PCDHA2: variants seen among roughly 807,000 people sequenced by gnomAD.
PCDHA2 encodes the protein protocadherin alpha-2.
PCDHA2 carries 58 observed loss-of-function variants against 66.0 expected under a neutral mutation model. The observed-to-expected ratio is 0.88, with a 90% CI of 0.71 to 1.09. The LOEUF (loss-of-function observed/expected upper bound fraction) is 1.09, where lower values mean the gene tolerates loss of function less well. PCDHA2 is among the 50% of genes least tolerant of loss of function. PCDHA2 has a pLI of 0.00. For synonymous variants in PCDHA2, 634 were observed against 554.0 expected (o/e 1.14, Z -2.03); for missense variants, 1,267 against 1,242.3 (o/e 1.02, Z -0.30).
At position 140,857,660 on chromosome 5, in the gene PCDHA2, G is replaced by A. The variant is rs368920437; in HGVS notation, c.2388+60308G>A. 9 of 1,596,734 alleles carry A rather than the reference G, an allele frequency of 5.6e-6. 1 individual carries two copies. Among genetic ancestry groups the A allele is most frequent in the Non-Finnish European group, 7.7e-6 (9 of 1,167,798 alleles). On this transcript the variant is annotated intron_variant, in intron 1 of 3. Coordinates refer to ENST00000526136, the MANE Select transcript of PCDHA2 (RefSeq NM_018905.3). ...GCTACAGTTCCAGGTGAGCGCGCGC[G>A]ATGGGGGCGTGCCGCCTCTGGGCAG...
chr5:140,909,210 G>A (rs2074375008), intron 1 of PCDHA2, among the ~76,000 whole-genome samples: 1 of 152,186 alleles, frequency 6.6e-6, no homozygotes, highest in Non-Finnish European at 1.5e-5. Context: ...CCGGAGAGTT[G>A]ATATACCCCT....
chr5:140,797,597 C>A, intron 1 of PCDHA2: 1 of 527,266 alleles, frequency 1.9e-6, no homozygotes, highest in South Asian at 3.1e-5. Context: ...AGTAATAGAC[C>A]ATGAAACACT....
At chr5:140,807,151 A>G (rs782213665) in intron 1 of PCDHA2, 6 of 1,580,442 alleles carry the variant, frequency 3.8e-6, no homozygotes, top group South Asian at 1.2e-5. Flanking sequence ...ACTTTGAGAA[A>G]CGATATTTAA....
chr5:140,836,027 C>T (rs2150251000), intron 1 of PCDHA2: 4 of 1,613,456 alleles, frequency 2.5e-6, no homozygotes, highest in East Asian at 4.5e-5. Flanking sequence ...TGGGCAGCAA[C>T]GTGACGCTGC....
intron 1 of PCDHA2, among the ~76,000 whole-genome samples, chr5:140,958,951 A>C (rs1212039253): frequency 6.6e-6 from 1 of 151,992 alleles, no homozygotes; most frequent in Non-Finnish European, 1.5e-5. Flanking sequence ...ATATTATATT[A>C]TTATAATTGT....
chr5:140,921,213 G>T (rs759293646), intron 1 of PCDHA2, among the ~76,000 whole-genome samples: 1 of 151,496 alleles, frequency 6.6e-6, no homozygotes, highest in Admixed American at 6.6e-5. Flanking sequence ...GATAATTCAC[G>T]TCTTTTTTGC....
chr5:140,857,392 C>G (rs142727326), intron 1 of PCDHA2: 2 of 1,598,470 alleles, frequency 1.3e-6, no homozygotes, highest in African/African-American at 1.3e-5. Flanking sequence ...CCGACGTGAA[C>G]GACAACGCGC....
intron 1 of PCDHA2, among the ~76,000 whole-genome samples, chr5:140,971,957 AC>A (rs1360214556): frequency 6.6e-6 from 1 of 152,060 alleles, no homozygotes; most frequent in Non-Finnish European, 1.5e-5. Flanking sequence ...GACTCCAAAA[AC>A]TTTTTTTCAA....
At position 140,877,908 on chromosome 5, in the gene PCDHA2, T is replaced by C; in HGVS notation, c.2388+80556T>C. On this transcript the variant is annotated intron_variant, in intron 1 of 3. Coordinates refer to ENST00000526136, the MANE Select transcript of PCDHA2 (RefSeq NM_018905.3). The stretch of plus-strand genomic sequence containing the variant: ...ACTTCCGTTTAGGTTATAACTACAT[T>C]CTCTCATTTTTCTTTATGATTCTAT... 3 of 1,433,546 alleles carry C rather than the reference T, an allele frequency of 2.1e-6. No homozygotes were observed. The South Asian group carries it at 4.7e-5, about 22-fold the overall frequency. 88.8% of individuals were successfully genotyped at this position (1,433,546 alleles called of 1,614,324 possible).
intron 3 of PCDHA2, among the ~76,000 whole-genome samples, chr5:140,984,768 G>A (rs569046665): frequency 7.2e-5 from 11 of 152,172 alleles, no homozygotes; most frequent in African/African-American, 2.4e-4. Flanking sequence ...CTAATCCCAA[G>A]CTTACTTGCT....
intron 1 of PCDHA2, chr5:140,875,236 C>T: frequency 1.1e-6 from 1 of 889,228 alleles, no homozygotes. Context: ...CTTTCTTGTA[C>T]TTACATAATC....
At chr5:140,818,942 C>T (rs913130699) in intron 1 of PCDHA2, among the ~76,000 whole-genome samples, 2 of 152,188 alleles carry the variant, frequency 1.3e-5, no homozygotes. Context: ...TTGACATGAA[C>T]ATTGATATTC....
chr5:140,823,828 G>A, intron 1 of PCDHA2: 1 of 1,613,824 alleles, frequency 6.2e-7, no homozygotes, highest in Non-Finnish European at 8.5e-7. Context: ...GTCGGCGGGC[G>A]CTGTGGGTCC....
intron 1 of PCDHA2, chr5:140,842,173 T>C: frequency 6.2e-7 from 1 of 1,613,902 alleles, no homozygotes; most frequent in Non-Finnish European, 8.5e-7. Context: ...TTAATAGCCT[T>C]GTTGAAACTA....
At position 140,797,159 on chromosome 5, in the gene PCDHA2, G is replaced by A; in HGVS notation, c.2195G>A (p.Arg732His). The A allele has an allele frequency of 1.2e-6, 2 of 1,613,998 alleles. No individual in the cohort carries two copies. Among genetic ancestry groups the A allele is most frequent in the Non-Finnish European group, 1.7e-6 (2 of 1,179,996 alleles). ...TCGGTGCCACCCACCGAGGGTGCGC[G>A]CGCGCCAGGAAAGCCCACGCTGGTG... is the stretch of plus-strand genomic sequence containing the variant. ...RCSVPPTEGARAPGKPTLVCS... is the reference protein window; with the variant it reads ...RCSVPPTEGAHAPGKPTLVCS... The change falls in exon 1 of 4, where the codon CGC (arginine) becomes CAC (histidine). Residue 732 changes from arginine to histidine, a missense_variant. By Grantham distance (29) the Arg-to-His change is conservative. Transcript: ENST00000526136.
At chr5:140,803,109 G>C in intron 1 of PCDHA2, 1 of 1,613,838 alleles carries the variant, frequency 6.2e-7, no homozygotes, top group African/African-American at 1.3e-5. Flanking sequence ...CCGTGCCCTG[G>C]ACGAGGTGGA....
At chr5:140,958,301 TA>T (rs2095417556) in intron 1 of PCDHA2, among the ~76,000 whole-genome samples, 1 of 152,248 alleles carries the variant, frequency 6.6e-6, no homozygotes, top group African/African-American at 2.4e-5. Flanking sequence ...TGAACTTAAT[TA>T]AAATAAATTA....
chr5:140,862,824 G>A, intron 1 of PCDHA2: 1 of 571,890 alleles, frequency 1.7e-6, no homozygotes, highest in Non-Finnish European at 3.4e-6. Context: ...AGGTGAGAGC[G>A]CGCGACGCGG....
chr5:140,830,162 G>T (rs1554132602), intron 1 of PCDHA2: 1 of 1,613,386 alleles, frequency 6.2e-7, no homozygotes, highest in East Asian at 2.2e-5. Context: ...GGGCCCAGAG[G>T]CGGCGCTGGT....
Sources: gnomAD v4.1 joint callset for allele counts (sites outside exome capture counted in the v4.1 genomes callset) on GRCh38, gnomAD v4.1.1 for gene constraint, MANE v1.5 for transcripts, NCBI Gene and HGNC (gene_info 2026-07-23, HGNC 2026-07-21) for gene names.